The following FAHD2A variants were observed in gnomAD, a reference collection of about 807,000 sequenced individuals.
The protein encoded by FAHD2A is fumarylacetoacetate hydrolase domain containing 2A, also known as oxaloacetate tautomerase FAHD2A, mitochondrial.
In FAHD2A, 27 loss-of-function variants were observed where a neutral mutation model predicts 33.4. That is an observed-to-expected ratio of 0.81 (90% confidence interval 0.60 to 1.11). The LOEUF (loss-of-function observed/expected upper bound fraction) is 1.11. FAHD2A is among the 50% of genes most tolerant of loss of function. FAHD2A has a pLI of 0.00. For missense variants in FAHD2A, 296 were observed against 395.0 expected (o/e 0.75, Z 2.12); for synonymous variants, 130 against 153.3 (o/e 0.85, Z 1.12).
At chr2:95,404,387 G>A (rs192067644) in intron 1 of FAHD2A, among the ~76,000 whole-genome samples, 194 of 152,078 alleles carry the variant, frequency 1.3e-3, no homozygotes, top group Middle Eastern at 6.8e-3. Context: ...TCCTTCCCCT[G>A]GGTTCAAGCG....
At chr2:95,410,446 T>C in intron 3 of FAHD2A, 81 bp from the exon 4 acceptor site, 2 of 1,539,928 alleles carry the variant, frequency 1.3e-6, no homozygotes, top group Non-Finnish European at 1.8e-6. Context: ...GTTGAGGCCC[T>C]TCAGCATGGT....
At chr2:95,419,264 T>A (rs926619690), downstream of FAHD2A, among the ~76,000 whole-genome samples, 1 of 152,078 alleles carries the variant, frequency 6.6e-6, no homozygotes, top group African/African-American at 2.4e-5. Flanking sequence ...AAGAAATGTG[T>A]TCATGAAGAG....
chr2:95,404,298 T>G (rs1477383344), intron 1 of FAHD2A, among the ~76,000 whole-genome samples: 1 of 151,988 alleles, frequency 6.6e-6, no homozygotes, highest in Non-Finnish European at 1.5e-5. Context: ...CTGAGGATTT[T>G]TTTTTTTTTA....
At position 95,415,556 on chromosome 2, in the gene FAHD2A, G is replaced by A. The variant is rs1318421107; in HGVS notation, c.*2599G>A. 6.6e-6 allele frequency: 1 copy of A among 152,636 alleles called. No homozygotes were observed. Among genetic ancestry groups the A allele is most frequent in the Non-Finnish European group, 1.5e-5 (1 of 68,048 alleles). 9.5% of individuals were successfully genotyped at this position (152,636 alleles called of 1,614,324 possible). A position where few individuals can be genotyped will look rare whatever the true frequency, so the allele number is the denominator to read the frequency against. The stretch of plus-strand genomic sequence containing the variant: ...ATTTATAAATATCAGCATTAAGCGA[G>A]ATTTAACGGGGAGCTGTTTATCTTC... On this transcript the variant is annotated 3_prime_UTR_variant, in exon 8 of 8. Transcript: ENST00000233379.
intron 5 of FAHD2A, among the ~76,000 whole-genome samples, 186 bp downstream of exon 5, chr2:95,411,212 C>G (rs995051527): frequency 1.3e-5 from 2 of 152,206 alleles, no homozygotes; most frequent in African/African-American, 4.8e-5. Flanking sequence ...TTCCCAAGCC[C>G]CCTAGAGGGA....
Position 95,408,998 on chromosome 2 carries a change from C to T in FAHD2A, c.463-1529C>T, listed in dbSNP as rs551508863. Among the ~76,000 whole-genome samples, 3 of 152,282 alleles carry T rather than the reference C, an allele frequency of 2.0e-5. No individual in the cohort carries two copies. In the East Asian group the frequency reaches 5.8e-4, roughly 29 times the overall value. On this transcript the variant is annotated intron_variant, in intron 3 of 7. Transcript: ENST00000233379. ...GTTGTCTCATAGCATGTTTCACATT[C>T]TGGGTTTGTCTGGTTGTTTCTTCAT...
downstream of FAHD2A, among the ~76,000 whole-genome samples, chr2:95,420,175 C>T (rs1249432056): frequency 6.6e-6 from 1 of 152,048 alleles, no homozygotes; most frequent in East Asian, 1.9e-4. Context: ...GATTCAAATG[C>T]ATATCTCATC....
rs1398505433 is a variant in FAHD2A at position 95,414,127 on chromosome 2, G to A, written c.*1170G>A. On this transcript the variant is annotated 3_prime_UTR_variant, in exon 8 of 8. Transcript: ENST00000233379. ...CCAGGGAGGGATAGATCTCCGACTG[G>A]ACAGAAGACTACTCTGCAGCCCGCC... The A allele has an allele frequency of 7.3e-6, 11 of 1,498,176 alleles. No homozygotes were observed. The highest frequency in any genetic ancestry group is 7.2e-5 in the South Asian group (6 of 83,624). The allele number at this position is 1,498,176 out of a possible 1,614,324, so 92.8% of individuals were successfully genotyped here.
rs574018331 is a variant in FAHD2A, at chr2:95,415,518, A to G, written c.*2561A>G. On this transcript the variant is annotated 3_prime_UTR_variant, in exon 8 of 8. Transcript: ENST00000233379. The stretch of plus-strand genomic sequence containing the variant: ...TAGGCATTCTCTTGATTCGGTAAAC[A>G]CAAGCTGAATAAATTTATAAATATC... 6.5e-6 allele frequency: 1 copy of G among 152,756 alleles called. No homozygotes were observed. Among genetic ancestry groups the G allele is most frequent in the South Asian group, 2.1e-4 (1 of 4,828 alleles). 9.5% of individuals were successfully genotyped at this position (152,756 alleles called of 1,614,324 possible).
intron 3 of FAHD2A, among the ~76,000 whole-genome samples, chr2:95,408,493 C>T (rs754896871): frequency 6.6e-5 from 10 of 152,178 alleles, no homozygotes; most frequent in Non-Finnish European, 1.3e-4. Context: ...TACAGTTCCA[C>T]GTGGCTAGGG....
intron 5 of FAHD2A, among the ~76,000 whole-genome samples, chr2:95,411,305 C>T (rs759462552): frequency 6.6e-6 from 1 of 152,216 alleles, no homozygotes; most frequent in Non-Finnish European, 1.5e-5. Flanking sequence ...GGGCTTCCTG[C>T]GGCTGCCACC....
At chr2:95,404,409 T>C (rs879822437) in intron 1 of FAHD2A, among the ~76,000 whole-genome samples, 1 of 152,062 alleles carries the variant, frequency 6.6e-6, no homozygotes, top group Non-Finnish European at 1.5e-5. Context: ...TTCTCGTGTC[T>C]CAGCCTCCCT....
At chr2:95,410,497 G>A in intron 3 of FAHD2A, 30 bp from the exon 4 acceptor site, 1 of 1,593,352 alleles carries the variant, frequency 6.3e-7, no homozygotes, top group Non-Finnish European at 8.5e-7. Flanking sequence ...TGAAGCCACT[G>A]CAGCTCACTG....
intron 2 of FAHD2A, 140 bp from the exon 3 acceptor site, chr2:95,406,801 A>C (rs1250628117): frequency 2.1e-6 from 3 of 1,432,228 alleles, no homozygotes; most frequent in Non-Finnish European, 2.8e-6. Flanking sequence ...AGTGATTTTC[A>C]CACTGACTCT....
In FAHD2A at chr2:95,402,721, G is replaced by C. The variant is rs573673209; in HGVS notation, c.-158G>C. 1.3e-5 allele frequency: 2 copies of C among 152,308 alleles called. No homozygotes were observed. Among genetic ancestry groups the C allele is most frequent in the South Asian group, 4.1e-4 (2 of 4,832 alleles). 9.4% of individuals were successfully genotyped at this position (152,308 alleles called of 1,614,324 possible). On this transcript the variant is annotated 5_prime_UTR_variant, in exon 1 of 8. Coordinates refer to ENST00000233379, the MANE Select transcript of FAHD2A (RefSeq NM_016044.3). ...AGGATCGCGCCCGCTTTTCTCTCGG[G>C]TGATCCGGCCGAGTGGCCCTGGGTT...
At chr2:95,418,352 G>T (rs1683265940), downstream of FAHD2A, among the ~76,000 whole-genome samples, 1 of 151,892 alleles carries the variant, frequency 6.6e-6, no homozygotes, top group Non-Finnish European at 1.5e-5. Flanking sequence ...CTTGCCCTGA[G>T]CTCAGGAAAC....
In FAHD2A at chr2:95,406,958, T is replaced by A. The variant is rs778313631; in HGVS notation, c.263T>A (p.Leu88Ter). ...SVARRALAAQ[L>*]PVLPRSEVTF... is the part of the protein sequence containing the mutation. ...CTCTACAGAGCCCTGGCTGCCCAGT[T>A]GCCAGTCCTACCACGGTCGGAGGTA... Residue 88 changes from leucine to a stop codon, truncating the protein, a stop_gained, in exon 3 of 8, where the codon TTG (leucine) becomes TAG (stop). Transcript: ENST00000233379. LOFTEE classifies it high-confidence loss of function. 6.2e-7 allele frequency: 1 copy of A among 1,613,678 alleles called. No homozygotes were observed. The highest frequency in any genetic ancestry group is 8.5e-7 in the Non-Finnish European group (1 of 1,179,726).
In FAHD2A at chr2:95,414,805, C is replaced by T. The variant is rs1392234750; in HGVS notation, c.*1848C>T. The T allele has an allele frequency of 2.0e-5, 3 of 153,164 alleles. No individual in the cohort carries two copies. Among genetic ancestry groups the T allele is most frequent in the African/African-American group, 4.8e-5 (2 of 41,448 alleles). 9.5% of individuals were successfully genotyped at this position (153,164 alleles called of 1,614,324 possible). On this transcript the variant is annotated 3_prime_UTR_variant, in exon 8 of 8. Coordinates refer to ENST00000233379, the MANE Select transcript of FAHD2A (RefSeq NM_016044.3). ...CTCTCCCTGCCCCACTCCGATGGCT[C>T]CTCCTGCCTGGTGAAGACTGCCCTG...
At chr2:95,404,806 C>A (rs1228534418) in intron 1 of FAHD2A, among the ~76,000 whole-genome samples, 1 of 152,174 alleles carries the variant, frequency 6.6e-6, no homozygotes, top group Non-Finnish European at 1.5e-5. Context: ...GCTGTCAGGC[C>A]CAGACCCTGT....
Sources: gnomAD v4.1 joint callset for allele counts (sites outside exome capture counted in the v4.1 genomes callset) on GRCh38, gnomAD v4.1.1 for gene constraint, MANE v1.5 for transcripts, NCBI Gene and HGNC (gene_info 2026-07-23, HGNC 2026-07-21) for gene names.